Variants in KATNIP observed in about 807,000 individuals in gnomAD.
KATNIP encodes the protein katanin-interacting protein.
In KATNIP, 126 loss-of-function variants were observed where a neutral mutation model predicts 174.0. The ratio of observed to expected loss-of-function variants is 0.72; its 90% CI spans 0.63 to 0.84. The LOEUF (loss-of-function observed/expected upper bound fraction) is 0.84. KATNIP is among the 40% of genes least tolerant of loss of function. The pLI, the probability that KATNIP is intolerant of heterozygous loss-of-function variation, is 0.00. For synonymous variants in KATNIP, 810 were observed against 835.7 expected (o/e 0.97, Z 0.53); for missense variants, 1,958 against 2,109.7 (o/e 0.93, Z 1.41).
intron 23 of KATNIP, among the ~76,000 whole-genome samples, chr16:27,774,282 C>A (rs2082413610): frequency 6.6e-6 from 1 of 152,200 alleles, no homozygotes; most frequent in Non-Finnish European, 1.5e-5. Flanking sequence ...TTATTAGCGA[C>A]TCCTCGAAGC....
At chr16:27,724,876 C>A (rs1478188860) in intron 14 of KATNIP, among the ~76,000 whole-genome samples, 1 of 152,176 alleles carries the variant, frequency 6.6e-6, no homozygotes, top group Non-Finnish European at 1.5e-5. Context: ...GGCAGCTAAT[C>A]CAACCAGGGC....
At chr16:27,678,758 G>A (rs535011201) in intron 7 of KATNIP, among the ~76,000 whole-genome samples, 286 of 152,262 alleles carry the variant, frequency 1.9e-3, no homozygotes, top group African/African-American at 6.1e-3. Flanking sequence ...ACGATAGTGC[G>A]GTAAAGCTCT....
At chr16:27,570,292 A>G (rs71388098) in intron 1 of KATNIP, among the ~76,000 whole-genome samples, 1 of 152,008 alleles carries the variant, frequency 6.6e-6, no homozygotes, top group Non-Finnish European at 1.5e-5. Context: ...AGCCAGGCGC[A>G]GTGGCTCACT....
intron 1 of KATNIP, among the ~76,000 whole-genome samples, chr16:27,567,926 T>G (rs557054726): frequency 1.3e-5 from 2 of 152,170 alleles, no homozygotes; most frequent in Non-Finnish European, 2.9e-5. Flanking sequence ...TTCACACCAG[T>G]GCATTCCAGG....
rs143420786 is a variant in KATNIP, at chr16:27,675,066, A to T, written c.541-2663A>T. ...GGATAGGTGTAGGATAACAGTTAAC[A>T]ACATTCCTGTATTAGTCTGTTCTCA... On this transcript the variant is annotated intron_variant, in intron 6 of 27. Transcript: ENST00000261588. Among the ~76,000 whole-genome samples the T allele has an allele frequency of 6.7e-3, 1,018 of 152,354 alleles. 7 individuals are homozygous for T. The highest frequency in any genetic ancestry group is 0.012 in the Non-Finnish European group (800 of 68,036).
chr16:27,669,606 T>C (rs1260847147), intron 6 of KATNIP, among the ~76,000 whole-genome samples: 1 of 152,152 alleles, frequency 6.6e-6, no homozygotes, highest in Non-Finnish European at 1.5e-5. Context: ...CAGCCCAAGG[T>C]CCTCATCTTT....
At chr16:27,699,440 G>C in intron 9 of KATNIP, 94 bp from the exon 10 acceptor site, 1 of 1,554,942 alleles carries the variant, frequency 6.4e-7, no homozygotes. Flanking sequence ...GCTTGAGAAG[G>C]TCCCTGCCCT....
At chr16:27,733,948 C>T (rs1428472435) in intron 14 of KATNIP, among the ~76,000 whole-genome samples, 2 of 152,008 alleles carry the variant, frequency 1.3e-5, no homozygotes, top group East Asian at 1.9e-4. Flanking sequence ...GCGGTATATA[C>T]GTAAATATGT....
intron 19 of KATNIP, among the ~76,000 whole-genome samples, chr16:27,764,021 G>C (rs977815467): frequency 1.5e-4 from 23 of 152,330 alleles, no homozygotes; most frequent in South Asian, 6.2e-4. Context: ...ATGTCTGGTT[G>C]CCAGGCTCTT....
intron 6 of KATNIP, among the ~76,000 whole-genome samples, chr16:27,657,590 C>CA (rs1442236777): frequency 2.7e-5 from 4 of 150,496 alleles, no homozygotes; most frequent in South Asian, 4.2e-4. Context: ...AGTTAAAAAA[C>CA]AAAAAACAAA....
chr16:27,567,551 T>G (rs1216559823), intron 1 of KATNIP, among the ~76,000 whole-genome samples: 2 of 151,704 alleles, frequency 1.3e-5, no homozygotes, highest in Non-Finnish European at 2.9e-5. Context: ...TGAGAAGGAG[T>G]CTCCCTCTGT....
chr16:27,763,902 G>T (rs760387693), intron 19 of KATNIP, among the ~76,000 whole-genome samples: 11 of 152,094 alleles, frequency 7.2e-5, no homozygotes, highest in Non-Finnish European at 1.0e-4. Flanking sequence ...TGTTTAGTCT[G>T]CTCCTTGCTC....
At chr16:27,574,179 G>C (rs766159024) in intron 2 of KATNIP, 39 of 533,928 alleles carry the variant, frequency 7.3e-5, no homozygotes, top group Non-Finnish European at 1.2e-4. Context: ...GAGTGTATCA[G>C]TTAACTTTGT....
In KATNIP at chr16:27,699,070, T is replaced by C. The variant is rs113779589; in HGVS notation, c.1114-464T>C. 8.1e-3 allele frequency among the ~76,000 whole-genome samples: 1,231 copies of C among 152,304 alleles called. 12 individuals are homozygous for C. Among genetic ancestry groups the C allele is most frequent in the Non-Finnish European group, 0.011 (715 of 68,018 alleles). On this transcript the variant is annotated intron_variant, in intron 9 of 27. Transcript: ENST00000261588. ...TGGAGGCATTGGGTATAGCTTGGTG[T>C]GCACGTCCTTTCTCAGAAGCTTGGT...
At chr16:27,648,543 C>T (rs2077028726) in intron 5 of KATNIP, 61 bp from the exon 6 acceptor site, 2 of 1,595,704 alleles carry the variant, frequency 1.3e-6, no homozygotes, top group African/African-American at 2.7e-5. Context: ...CCAGTCCCTG[C>T]CCCGCAGAGG....
rs1200179758 is a variant in KATNIP, at chr16:27,661,957, CACATACATATATATATATATATATA to C, written c.540+13223_540+13247del. Among the ~76,000 whole-genome samples the C allele has an allele frequency of 2.6e-4, 7 of 27,206 alleles. 1 individual carries two copies. Among genetic ancestry groups the C allele is most frequent in the Non-Finnish European group, 3.7e-4 (6 of 16,322 alleles). 17.8% of individuals were successfully genotyped at this position (27,206 alleles called of 152,430 possible). A position where few individuals can be genotyped will look rare whatever the true frequency, so the allele number is the denominator to read the frequency against. Reference sequence around the variant, plus strand: ...ATATATATATATATATATATATATACACATACATATATATATATATATATATATACACATACATATATATATATAT... The same window carrying C: ...ATATATATATATATATATATATATACTATACACATACATATATATATATAT... On this transcript the variant is annotated intron_variant, in intron 6 of 27. Coordinates refer to ENST00000261588, the MANE Select transcript of KATNIP (RefSeq NM_015202.5).
chr16:27,568,549 C>T, intron 1 of KATNIP, among the ~76,000 whole-genome samples: 1 of 152,088 alleles, frequency 6.6e-6, no homozygotes, highest in Non-Finnish European at 1.5e-5. Flanking sequence ...TGTGCAACCT[C>T]CGCTTCCTGG....
At chr16:27,754,841 G>A (rs1044413054) in intron 18 of KATNIP, 4 of 152,224 alleles carry the variant, frequency 2.6e-5, no homozygotes, top group African/African-American at 9.7e-5. Context: ...TATCACATGA[G>A]CCAAATAAAA....
intron 14 of KATNIP, among the ~76,000 whole-genome samples, chr16:27,726,112 G>A (rs746464819): frequency 1.3e-4 from 20 of 152,126 alleles, no homozygotes; most frequent in Admixed American, 9.2e-4. Flanking sequence ...GATCAGCAGC[G>A]GCATGAGATT....
Sources: gnomAD v4.1 joint callset for allele counts (sites outside exome capture counted in the v4.1 genomes callset) on GRCh38, gnomAD v4.1.1 for gene constraint, MANE v1.5 for transcripts, NCBI Gene and HGNC (gene_info 2026-07-23, HGNC 2026-07-21) for gene names.